Variants in NBAS observed in about 807,000 individuals in gnomAD.
The protein encoded by NBAS is NAG/BC035112 fusion.
Under a neutral mutation model 302.5 loss-of-function variants are expected in NBAS, and 219 were observed. The observed-to-expected ratio is 0.72, with a 90% confidence interval of 0.65 to 0.81. NBAS has a LOEUF of 0.81. Ranked by LOEUF, NBAS falls within the 30% of genes least tolerant of loss-of-function variation. The pLI is 0.00. For synonymous variants in NBAS, 1,118 were observed against 1,021.6 expected (o/e 1.09, Z -1.80); for missense variants, 2,932 against 2,841.6 (o/e 1.03, Z -0.72).
At chr2:15,061,947 G>A in the NBAS span, among the ~76,000 whole-genome samples, 122 of 152,290 alleles carry the variant, frequency 8.0e-4, no homozygotes, top group African/African-American at 2.7e-3. Context: ...AGAAAGCCAG[G>A]GGTGCAGCAT....
intron 23 of NBAS, 38 bp from the exon 24 acceptor site, chr2:15,417,750 T>C (rs754755082): frequency 1.9e-6 from 3 of 1,577,872 alleles, no homozygotes; most frequent in Admixed American, 1.7e-5. Flanking sequence ...CTGAGTATTA[T>C]ATATTTCTCA....
At chr2:15,335,587 T>C (rs775066437) in intron 35 of NBAS, among the ~76,000 whole-genome samples, 3 of 152,214 alleles carry the variant, frequency 2.0e-5, no homozygotes, top group Admixed American at 6.5e-5. Flanking sequence ...ACTAATGAAG[T>C]TGGACACCTT....
At chr2:15,171,778 C>T (rs1271999556) in intron 51 of NBAS, among the ~76,000 whole-genome samples, 4 of 151,994 alleles carry the variant, frequency 2.6e-5, no homozygotes, top group South Asian at 4.2e-4. Flanking sequence ...GGATGGACTC[C>T]GATATAACCG....
chr2:15,205,198 T>C (rs991353594), intron 48 of NBAS, among the ~76,000 whole-genome samples: 2 of 152,098 alleles, frequency 1.3e-5, no homozygotes, highest in East Asian at 3.9e-4. Context: ...AACAATGAGT[T>C]ATAACACAGA....
the NBAS span, among the ~76,000 whole-genome samples, chr2:14,979,959 C>T: frequency 2.0e-5 from 3 of 152,032 alleles, no homozygotes; most frequent in Admixed American, 6.6e-5. Context: ...CTCTTAAAAT[C>T]CTGCTAAATG....
At chr2:14,858,319 C>T in the NBAS span, among the ~76,000 whole-genome samples, 1 of 152,120 alleles carries the variant, frequency 6.6e-6, no homozygotes, top group African/African-American at 2.4e-5. Flanking sequence ...GGTATATACC[C>T]AAAAGAAAGG....
At chr2:14,883,351 T>C in the NBAS span, among the ~76,000 whole-genome samples, 1 of 152,232 alleles carries the variant, frequency 6.6e-6, no homozygotes. Flanking sequence ...ACATTTTATT[T>C]ACTTAACCTG....
the NBAS span, among the ~76,000 whole-genome samples, chr2:14,970,935 C>A: frequency 1.3e-5 from 2 of 152,098 alleles, no homozygotes; most frequent in African/African-American, 4.8e-5. Flanking sequence ...CTCCTGGAAG[C>A]CAGCAGAGTG....
At chr2:15,022,122 C>A in the NBAS span, among the ~76,000 whole-genome samples, 1,895 of 152,236 alleles carry the variant, frequency 0.012, 42 homozygotes, top group African/African-American at 0.044. Flanking sequence ...AAGAGTCTGG[C>A]TGCCAGAAAA....
intron 34 of NBAS, among the ~76,000 whole-genome samples, chr2:15,353,190 A>C (rs191620383): frequency 1.9e-3 from 282 of 152,244 alleles, no homozygotes; most frequent in Admixed American, 3.3e-3. Flanking sequence ...AAGGATCCCT[A>C]AGGGAATGGT....
At chr2:15,406,850 C>A (rs1676440177) in intron 25 of NBAS, among the ~76,000 whole-genome samples, 1 of 152,078 alleles carries the variant, frequency 6.6e-6, no homozygotes, top group Non-Finnish European at 1.5e-5. Context: ...CCATTTCTCA[C>A]CTATCACATT....
intron 32 of NBAS, among the ~76,000 whole-genome samples, chr2:15,357,519 G>A (rs192188231): frequency 7.2e-5 from 11 of 152,090 alleles, no homozygotes; most frequent in East Asian, 1.9e-4. Context: ...GCAGAGTCTC[G>A]CTTACAATTT....
chr2:15,424,214 G>A (rs1015959194), intron 23 of NBAS, 101 bp downstream of exon 23: 38 of 1,306,584 alleles, frequency 2.9e-5, no homozygotes, highest in Non-Finnish European at 4.2e-5. Context: ...TTATATACAT[G>A]ATTCCTGCAC....
At chr2:15,506,701 T>A (rs1661869981) in intron 10 of NBAS, among the ~76,000 whole-genome samples, 1 of 152,096 alleles carries the variant, frequency 6.6e-6, no homozygotes, top group Non-Finnish European at 1.5e-5. Flanking sequence ...GTAAGCATTT[T>A]AAAATACATA....
chr2:14,874,194 T>TACA, the NBAS span, among the ~76,000 whole-genome samples: 1 of 152,118 alleles, frequency 6.6e-6, no homozygotes, highest in Non-Finnish European at 1.5e-5. Context: ...GCCTTAAAGA[T>TACA]ACAGACTCAC....
intron 29 of NBAS, among the ~76,000 whole-genome samples, chr2:15,382,566 G>A (rs13420002): frequency 0.064 from 9,764 of 152,158 alleles, 977 homozygotes; most frequent in African/African-American, 0.21. Flanking sequence ...AGGGAACAAC[G>A]TGTGCAAAGT....
the NBAS span, among the ~76,000 whole-genome samples, chr2:14,938,972 T>C: frequency 3.3e-5 from 5 of 152,258 alleles, no homozygotes; most frequent in African/African-American, 1.2e-4. Flanking sequence ...TCACTGTTAA[T>C]TGCAGGTATC....
the NBAS span, among the ~76,000 whole-genome samples, chr2:15,061,783 T>C: frequency 6.6e-6 from 1 of 152,230 alleles, no homozygotes; most frequent in Non-Finnish European, 1.5e-5. Context: ...GAACCATTTG[T>C]TTGCCAAATC....
Position 15,499,852 on chromosome 2 carries a change from T to C in NBAS, c.954+4293A>G, listed in dbSNP as rs138653476. Among the ~76,000 whole-genome samples the C allele has an allele frequency of 8.9e-4, 136 of 152,318 alleles. 2 individuals carry two copies. The highest frequency in any genetic ancestry group is 3.4e-3 in the Middle Eastern group (1 of 294). ...TTTGAGAAGGCATAGTGATATTTAT[T>C]AAGGAAAACCACATGAATTGTTAAA... On this transcript the variant is annotated intron_variant, in intron 11 of 51. Transcript: ENST00000281513.
Sources: gnomAD v4.1 joint callset for allele counts (sites outside exome capture counted in the v4.1 genomes callset) on GRCh38, gnomAD v4.1.1 for gene constraint, MANE v1.5 for transcripts, NCBI Gene and HGNC (gene_info 2026-07-23, HGNC 2026-07-21) for gene names.